CCSER2: variants seen among roughly 807,000 people sequenced by gnomAD.
The protein encoded by CCSER2 is serine-rich coiled-coil domain-containing protein 2.
Under a neutral mutation model 92.3 loss-of-function variants are expected in CCSER2, and 46 were observed. The observed-to-expected ratio is 0.50, with a 90% CI of 0.39 to 0.64. The LOEUF is 0.64. Among genes scored for constraint, CCSER2 ranks in the 30% least tolerant of loss-of-function variants. The pLI is 0.00. For synonymous variants in CCSER2, 433 were observed against 431.4 expected, an observed-to-expected ratio of 1.00 and a Z score of -0.04; for missense variants, 1,244 against 1,238.9, an observed-to-expected ratio of 1.00 and a Z score of -0.06.
At chr10:84,400,246 G>A (rs181383628) in intron 3 of CCSER2, among the ~76,000 whole-genome samples, 25 of 152,066 alleles carry the variant, frequency 1.6e-4, no homozygotes, top group Admixed American at 1.4e-3. Flanking sequence ...ATCTATTTTT[G>A]TTGTCATTGT....
intron 8 of CCSER2, 25 bp downstream of exon 8, chr10:84,470,483 G>C: frequency 1.5e-6 from 2 of 1,365,582 alleles, no homozygotes; most frequent in Non-Finnish European, 1.9e-6. Flanking sequence ...ATAATGTATA[G>C]AGACTTTTCA....
At chr10:84,430,706 G>A (rs1030924681) in intron 5 of CCSER2, among the ~76,000 whole-genome samples, 2 of 152,122 alleles carry the variant, frequency 1.3e-5, no homozygotes, top group Non-Finnish European at 2.9e-5. Flanking sequence ...TAAGGAGATG[G>A]GTGTGGCTAT....
chr10:84,403,272 T>C (rs1038171812), intron 3 of CCSER2, among the ~76,000 whole-genome samples: 3 of 152,184 alleles, frequency 2.0e-5, no homozygotes, highest in Non-Finnish European at 4.4e-5. Flanking sequence ...AACCTAAACC[T>C]CTCACCACCT....
chr10:84,390,031 T>C (rs1375420733), intron 3 of CCSER2, among the ~76,000 whole-genome samples: 1 of 152,208 alleles, frequency 6.6e-6, no homozygotes, highest in Non-Finnish European at 1.5e-5. Flanking sequence ...GAAAAGTTGC[T>C]GCTCATAGGC....
At chr10:84,375,436 C>G (rs186269145) in intron 3 of CCSER2, among the ~76,000 whole-genome samples, 10 of 151,790 alleles carry the variant, frequency 6.6e-5, no homozygotes, top group Non-Finnish European at 1.3e-4. Context: ...GTTGAGTTCT[C>G]GTACAGTGAT....
At chr10:84,441,776 T>TG in intron 6 of CCSER2, among the ~76,000 whole-genome samples, 1 of 111,952 alleles carries the variant, frequency 8.9e-6, no homozygotes, top group Non-Finnish European at 1.7e-5. Flanking sequence ...TTTTTTTTTT[T>TG]GAGACGAAGT....
At chr10:84,511,505 A>G (rs1849344948) in intron 9 of CCSER2, among the ~76,000 whole-genome samples, 1 of 152,212 alleles carries the variant, frequency 6.6e-6, no homozygotes, top group Non-Finnish European at 1.5e-5. Flanking sequence ...TTGGCAATAG[A>G]CATATTACAA....
intron 9 of CCSER2, among the ~76,000 whole-genome samples, chr10:84,497,849 T>C (rs1848533114): frequency 6.6e-6 from 1 of 152,202 alleles, no homozygotes; most frequent in South Asian, 2.1e-4. Context: ...AAATTAAAAA[T>C]AGAGTTATAA....
chr10:84,444,423 A>AC (rs1194090839), intron 6 of CCSER2, among the ~76,000 whole-genome samples: 8 of 152,206 alleles, frequency 5.3e-5, no homozygotes, highest in Non-Finnish European at 1.2e-4. Context: ...ATTTATTTGG[A>AC]CATTCTTCTA....
intron 1 of CCSER2, among the ~76,000 whole-genome samples, chr10:84,367,371 T>A (rs1845828092): frequency 6.6e-6 from 1 of 150,456 alleles, no homozygotes; most frequent in Admixed American, 6.8e-5. Flanking sequence ...GTCTTTTTTT[T>A]CTCCTCGATA....
At chr10:84,383,353 C>T (rs1007656477) in intron 3 of CCSER2, among the ~76,000 whole-genome samples, 1 of 152,114 alleles carries the variant, frequency 6.6e-6, no homozygotes, top group African/African-American at 2.4e-5. Context: ...CTCTGTCTCC[C>T]AGGCTGGAGT....
chr10:84,329,051 G>T lies in CCSER2; in HGVS notation c.-40+243G>T, dbSNP rs373261025. ...CCTCCCTGCGGCTGTGACAGCGCGG[G>T]GCCTCGGGCCGCGGGCGCCGCCGCC... On this transcript the variant is annotated intron_variant, in intron 1 of 9. Transcript: ENST00000372088. Among the ~76,000 whole-genome samples, 63 of 152,034 alleles carry T rather than the reference G, an allele frequency of 4.1e-4. No individual in the cohort carries two copies. The East Asian group carries it at 0.011, about 26-fold the overall frequency.
chr10:84,454,159 A>T (rs146044594), intron 6 of CCSER2, among the ~76,000 whole-genome samples: 261 of 152,238 alleles, frequency 1.7e-3, no homozygotes, highest in African/African-American at 6.1e-3. Context: ...CGTTTCTTCT[A>T]CCTTCTAATG....
At chr10:84,414,088 G>A (rs1842780870) in intron 3 of CCSER2, among the ~76,000 whole-genome samples, 1 of 152,138 alleles carries the variant, frequency 6.6e-6, no homozygotes, top group South Asian at 2.1e-4. Context: ...GATGGATCTT[G>A]GCTAATTATT....
chr10:84,416,901 A>G (rs1219416078), intron 3 of CCSER2, among the ~76,000 whole-genome samples: 1 of 152,216 alleles, frequency 6.6e-6, no homozygotes, highest in African/African-American at 2.4e-5. Context: ...ATTGCACTCC[A>G]GCCTGGGTGA....
chr10:84,458,639 A>G (rs1348223292), intron 6 of CCSER2, among the ~76,000 whole-genome samples: 4 of 152,274 alleles, frequency 2.6e-5, no homozygotes, highest in Middle Eastern at 3.4e-3. Context: ...TATCTCAACA[A>G]TATTTAATCT....
intron 7 of CCSER2, among the ~76,000 whole-genome samples, chr10:84,467,470 G>T (rs1414628691): frequency 6.6e-6 from 1 of 151,996 alleles, no homozygotes; most frequent in Non-Finnish European, 1.5e-5. Flanking sequence ...ATATGTGTGT[G>T]TATGTGTGTG....
intron 2 of CCSER2, among the ~76,000 whole-genome samples, chr10:84,373,119 CAT>C (rs575530770): frequency 8.8e-4 from 134 of 152,136 alleles, no homozygotes; most frequent in African/African-American, 2.9e-3. Flanking sequence ...TAGATATAGA[CAT>C]GTGGTATAAT....
chr10:84,417,718 G>A, intron 3 of CCSER2, 53 bp from the exon 4 acceptor site: 1 of 839,428 alleles, frequency 1.2e-6, no homozygotes, highest in African/African-American at 1.7e-5. Flanking sequence ...AATAATGGTT[G>A]ACATATCCTT....
Sources: gnomAD v4.1 joint callset for allele counts (sites outside exome capture counted in the v4.1 genomes callset) on GRCh38, gnomAD v4.1.1 for gene constraint, MANE v1.5 for transcripts, NCBI Gene and HGNC (gene_info 2026-07-23, HGNC 2026-07-21) for gene names.